Variants in ADAMTSL1 observed in about 807,000 individuals in gnomAD.
ADAMTSL1 encodes ADAMTS-like protein 1.
In ADAMTSL1, 126 loss-of-function variants were observed where a neutral mutation model predicts 201.8. The ratio of observed to expected loss-of-function variants is 0.62; its 90% confidence interval spans 0.54 to 0.72. The LOEUF is 0.72. Ranked by LOEUF, ADAMTSL1 falls within the 30% of genes least tolerant of loss-of-function variation. ADAMTSL1 has a pLI of 0.00. For synonymous variants in ADAMTSL1, 1,121 were observed against 903.4 expected (o/e 1.24, Z -4.32); for missense variants, 2,679 against 2,277.8 (o/e 1.18, Z -3.59).
intron 1 of ADAMTSL1, among the ~76,000 whole-genome samples, chr9:17,939,513 T>A (rs1451679392): frequency 1.3e-5 from 2 of 152,148 alleles, no homozygotes; most frequent in African/African-American, 2.4e-5. Flanking sequence ...GAAAAAATAA[T>A]GTATACTTGG....
chr9:18,380,288 A>T (rs1837500036), intron 2 of ADAMTSL1, among the ~76,000 whole-genome samples: 1 of 152,224 alleles, frequency 6.6e-6, no homozygotes. Context: ...TGGCTCAATG[A>T]GAAACTGGAA....
intron 21 of ADAMTSL1, among the ~76,000 whole-genome samples, chr9:18,818,197 T>C (rs1433106031): frequency 1.3e-5 from 2 of 152,134 alleles, no homozygotes; most frequent in East Asian, 1.9e-4. Flanking sequence ...TCTTGTGCCA[T>C]TGGGCAACTA....
chr9:18,582,862 A>T (rs1185758843), intron 4 of ADAMTSL1, among the ~76,000 whole-genome samples: 3 of 143,046 alleles, frequency 2.1e-5, no homozygotes, highest in Non-Finnish European at 4.6e-5. Flanking sequence ...ATAAAATAAA[A>T]TAAATAAAAT....
chr9:18,099,838 G>C (rs1455939429), intron 1 of ADAMTSL1, among the ~76,000 whole-genome samples: 2 of 151,868 alleles, frequency 1.3e-5, no homozygotes, highest in Non-Finnish European at 2.9e-5. Context: ...GTGTTACCCA[G>C]GATGGTCTCG....
intron 1 of ADAMTSL1, among the ~76,000 whole-genome samples, chr9:18,021,514 C>T (rs1028920470): frequency 6.6e-6 from 1 of 152,102 alleles, no homozygotes; most frequent in African/African-American, 2.4e-5. Context: ...GGAACTGAAA[C>T]ATCTATCCTT....
intron 1 of ADAMTSL1, among the ~76,000 whole-genome samples, chr9:18,123,436 A>G (rs1825590678): frequency 6.6e-6 from 1 of 152,236 alleles, no homozygotes; most frequent in South Asian, 2.1e-4. Context: ...AAATCCTCAC[A>G]GATCCCAGAG....
chr9:18,131,923 C>T (rs528795030), intron 1 of ADAMTSL1, among the ~76,000 whole-genome samples: 2 of 124,302 alleles, frequency 1.6e-5, no homozygotes, highest in Non-Finnish European at 3.8e-5. Flanking sequence ...TCACTTCCTT[C>T]ATAGTTCAGG....
intron 2 of ADAMTSL1, among the ~76,000 whole-genome samples, chr9:18,332,823 C>A (rs1228601429): frequency 6.6e-6 from 1 of 152,136 alleles, no homozygotes; most frequent in Non-Finnish European, 1.5e-5. Context: ...CAGAAGGCTG[C>A]TGGCAGAGTG....
intron 4 of ADAMTSL1, among the ~76,000 whole-genome samples, chr9:18,591,935 G>T (rs1490546398): frequency 6.6e-6 from 1 of 152,198 alleles, no homozygotes. Flanking sequence ...GAGTATGGCA[G>T]ATGAGGCAAA....
rs564886595 is a variant in ADAMTSL1, at chr9:18,337,866, G to A, written c.208-166963G>A. 5.3e-4 allele frequency among the ~76,000 whole-genome samples: 80 copies of A among 152,142 alleles called. No individual in the cohort carries two copies. In the South Asian group the frequency reaches 0.013, roughly 25 times the overall value. On this transcript the variant is annotated intron_variant, in intron 2 of 29. Coordinates refer to the ADAMTSL1 transcript ENST00000680146. ...TGGTAGAAGTACTGAATATATTATC[G>A]AACTTTGGAAATCAGCCAAACTTTC... is the stretch of plus-strand genomic sequence containing the variant.
chr9:18,165,135 C>G (rs539902066), intron 2 of ADAMTSL1, among the ~76,000 whole-genome samples: 1 of 151,824 alleles, frequency 6.6e-6, no homozygotes, highest in Non-Finnish European at 1.5e-5. Flanking sequence ...TACTGTGGAC[C>G]TACACATTGT....
At chr9:18,528,300 G>C (rs1819222147) in intron 2 of ADAMTSL1, among the ~76,000 whole-genome samples, 1 of 152,078 alleles carries the variant, frequency 6.6e-6, no homozygotes, top group Non-Finnish European at 1.5e-5. Flanking sequence ...CCATCACCTA[G>C]GTATTGAGCC....
intron 4 of ADAMTSL1, among the ~76,000 whole-genome samples, chr9:18,578,823 G>C (rs372223400): frequency 0.02 from 2,963 of 150,976 alleles, 38 homozygotes; most frequent in Non-Finnish European, 0.03. Context: ...CACAATGGTT[G>C]AACTAGTTTA....
intron 15 of ADAMTSL1, among the ~76,000 whole-genome samples, chr9:18,736,811 GTC>G (rs1252562335): frequency 6.6e-6 from 1 of 152,014 alleles, no homozygotes; most frequent in African/African-American, 2.4e-5. Context: ...TCTTTCCATT[GTC>G]TCTCTGTGCA....
rs1587389722 is a variant in ADAMTSL1, at chr9:18,246,396, G to C, written c.207+82415G>C. Among the ~76,000 whole-genome samples the C allele has an allele frequency of 2.0e-5, 3 of 152,188 alleles. No homozygotes were observed. The East Asian group carries it at 5.8e-4, about 29-fold the overall frequency. On this transcript the variant is annotated intron_variant, in intron 2 of 29. Transcript: ENST00000680146. Reference sequence around the variant, plus strand: ...GTATTACCATTTGGAAACACAAGATGATTTTTAAAATATGTTCATCTATTA... The same window carrying C: ...GTATTACCATTTGGAAACACAAGATCATTTTTAAAATATGTTCATCTATTA...
intron 1 of ADAMTSL1, among the ~76,000 whole-genome samples, chr9:17,996,927 A>G (rs1819403868): frequency 6.6e-6 from 1 of 152,174 alleles, no homozygotes; most frequent in Admixed American, 6.6e-5. Context: ...ACAATATACA[A>G]GTAATTCCAC....
intron 19 of ADAMTSL1, among the ~76,000 whole-genome samples, chr9:18,785,158 C>T (rs938708102): frequency 1.2e-4 from 16 of 130,448 alleles, no homozygotes; most frequent in Admixed American, 8.2e-4. Flanking sequence ...AGTGAGACTC[C>T]GTCTAAAAAA....
Position 18,290,473 on chromosome 9 carries a change from C to A in ADAMTSL1, c.207+126492C>A, listed in dbSNP as rs909319609. Among the ~76,000 whole-genome samples, 16 of 152,076 alleles carry A rather than the reference C, an allele frequency of 1.1e-4. No individual in the cohort carries two copies. In the East Asian group the frequency reaches 3.1e-3, roughly 29 times the overall value. On this transcript the variant is annotated intron_variant, in intron 2 of 29. Coordinates refer to the ADAMTSL1 transcript ENST00000680146. ...TGAACCATCTTGCAAAAATTCTTTC[C>A]TTCCTGGCCCCACAAAGCTAATAGC... is the stretch of plus-strand genomic sequence containing the variant.
intron 1 of ADAMTSL1, among the ~76,000 whole-genome samples, chr9:17,973,770 C>T (rs1474453617): frequency 2.1e-5 from 3 of 142,902 alleles, no homozygotes; most frequent in Admixed American, 1.5e-4. Context: ...TGGCCATTTT[C>T]ACATTGTTGA....
Sources: allele counts gnomAD v4.1 joint callset (sites outside exome capture counted in the v4.1 genomes callset), GRCh38; gene constraint gnomAD v4.1.1; transcripts MANE v1.5; gene names NCBI Gene and HGNC (gene_info 2026-07-23, HGNC 2026-07-21).